Variants in SEMA6B observed in about 807,000 individuals in gnomAD.
The protein encoded by SEMA6B is semaphorin 6B.
In SEMA6B, 47 loss-of-function variants were observed where a neutral mutation model predicts 78.6. The ratio of observed to expected loss-of-function variants is 0.60; its 90% CI spans 0.47 to 0.76. SEMA6B has a LOEUF of 0.76. SEMA6B is among the 30% of genes least tolerant of loss of function. The probability of loss-of-function intolerance (pLI) is 0.00; values close to 1 mark genes in which losing one functional copy is unlikely to be tolerated. For missense variants in SEMA6B, 1,213 were observed against 1,269.9 expected (o/e 0.96, Z 0.68); for synonymous variants, 632 against 592.2 (o/e 1.07, Z -0.98).
Position 4,544,228 on chromosome 19 carries a change from C to A in SEMA6B, c.2040G>T (p.Leu680=). 1 of 1,274,314 alleles carries A rather than the reference C, an allele frequency of 7.8e-7. No homozygotes were observed. 78.9% of individuals were successfully genotyped at this position (1,274,314 alleles called of 1,614,324 possible). A position where few individuals can be genotyped will look rare whatever the true frequency, so the allele number is the denominator to read the frequency against. The change falls in exon 17 of 17, where the codon CTG becomes CTT. Residue 680 remains leucine (L), a synonymous_variant. Coordinates refer to ENST00000586582, the MANE Select transcript of SEMA6B (RefSeq NM_032108.4). This position sits in a 1 kb window ranked among gnomAD's most constrained non-coding sequence, Gnocchi z 5.1. ...GGGAGVPPEA[L]LAPLMQNGWA... ...AGCCGTTCTGCATCAGGGGCGCCAG[C>A]AGGGCCTCCGGGGGAACCCCGGCGC...
Position 4,544,121 on chromosome 19 carries a change from G to T in SEMA6B, c.2147C>A (p.Pro716Gln). Residue 716 changes from proline (P) to glutamine (Q), a missense_variant, in exon 17 of 17, where the codon CCG (proline) becomes CAG (glutamine). Pro to Gln is a moderately conservative substitution (Grantham distance 76, BLOSUM62 -1). Coordinates refer to ENST00000586582, the MANE Select transcript of SEMA6B (RefSeq NM_032108.4). This position sits in a 1 kb window ranked among gnomAD's most constrained non-coding sequence, Gnocchi z 5.1. ...GTGCGGAGTGGGCAGGCGCTTCTGC[G>T]GCAGCGGCGTCTGCTCGGGCGTGGG... is the stretch of plus-strand genomic sequence containing the variant. Reference protein sequence around the residue: ...LLPTPEQTPLPQKRLPTPHPH... With the variant: ...LLPTPEQTPLQQKRLPTPHPH... 3 of 1,273,784 alleles carry T rather than the reference G, an allele frequency of 2.4e-6. No homozygotes were observed. Among genetic ancestry groups the T allele is most frequent in the East Asian group, 3.2e-5 (1 of 30,956 alleles). 78.9% of individuals were successfully genotyped at this position (1,273,784 alleles called of 1,614,324 possible). A position where few individuals can be genotyped will look rare whatever the true frequency, so the allele number is the denominator to read the frequency against.
At chr19:4,557,747 G>C (rs934084236) in intron 3 of SEMA6B, among the ~76,000 whole-genome samples, 1 of 152,134 alleles carries the variant, frequency 6.6e-6, no homozygotes, top group Non-Finnish European at 1.5e-5. Flanking sequence ...GGACAGCCCA[G>C]TCCCCTCCAC....
Position 4,556,065 on chromosome 19 carries a change from C to T in SEMA6B, c.394G>A (p.Val132Met). The T allele has an allele frequency of 1.2e-6, 2 of 1,614,094 alleles. No homozygotes were observed. The highest frequency in any genetic ancestry group is 8.5e-7 in the Non-Finnish European group (1 of 1,180,002). The change falls in exon 6 of 17, where the codon GTG becomes ATG. Residue 132 changes from valine to methionine, a missense_variant. By Grantham distance (21) the Val-to-Met change is conservative. Coordinates refer to ENST00000586582, the MANE Select transcript of SEMA6B (RefSeq NM_032108.4). ...QEGECRNFVK[V>M]LLLRDESTLF... ...GTGGACTCGTCCCGAAGGAGCAGCA[C>T]CTTTACGAAGTTTCGACACTCGCCC...
At position 4,543,100 on chromosome 19, in the gene SEMA6B, C is replaced by T. The variant is rs946154240; in HGVS notation, c.*501G>A. 20 of 629,918 alleles carry T rather than the reference C, an allele frequency of 3.2e-5. No homozygotes were observed. The highest frequency in any genetic ancestry group is 5.2e-5 in the Non-Finnish European group (18 of 348,218). The allele number at this position is 629,918 out of a possible 1,614,324, so 39.0% of individuals were successfully genotyped here. ...TGGCACGCACACACACGCCCACCTC[C>T]CCGGCCCCTTGCACACGAACACGGC... On this transcript the variant is annotated 3_prime_UTR_variant, in exon 17 of 17. Coordinates refer to ENST00000586582, the MANE Select transcript of SEMA6B (RefSeq NM_032108.4).
At chr19:4,545,499 G>A (rs977572284) in intron 16 of SEMA6B, among the ~76,000 whole-genome samples, 3 of 152,034 alleles carry the variant, frequency 2.0e-5, no homozygotes, top group Non-Finnish European at 4.4e-5. Context: ...TGCCACGTCT[G>A]GATTATTTTT....
At chr19:4,545,450 G>A (rs1468541563) in intron 16 of SEMA6B, among the ~76,000 whole-genome samples, 5 of 151,658 alleles carry the variant, frequency 3.3e-5, no homozygotes, top group South Asian at 2.1e-4. Flanking sequence ...CGATCCTCCC[G>A]CCTCAGCCTC....
Position 4,546,430 on chromosome 19 carries a change from G to A in SEMA6B, c.1641C>T (p.Ala547=). ...IGSQDPYCGW[A]PDGSCIFLSP... ...TGAGGAAGATGCAGGAGCCGTCGGGGGCCCACCCGCAGTAGGGGTCCTGAC... is the reference window on the plus strand; with the variant it reads ...TGAGGAAGATGCAGGAGCCGTCGGGAGCCCACCCGCAGTAGGGGTCCTGAC... Residue 547 remains alanine, a synonymous_variant, in exon 15 of 17, where the codon GCC becomes GCT. Transcript: ENST00000586582. 6.3e-7 allele frequency: 1 copy of A among 1,579,116 alleles called. No homozygotes were observed. The highest frequency in any genetic ancestry group is 8.6e-7 in the Non-Finnish European group (1 of 1,161,894).
intron 12 of SEMA6B, among the ~76,000 whole-genome samples, chr19:4,549,908 C>T (rs998227004): frequency 6.6e-6 from 1 of 152,200 alleles, no homozygotes; most frequent in Non-Finnish European, 1.5e-5. Context: ...CCACCGTGCC[C>T]AGCCCCATCT....
At position 4,544,454 on chromosome 19, in the gene SEMA6B, G is replaced by A. The variant is rs1449071366; in HGVS notation, c.1814C>T (p.Ala605Val). Residue 605 changes from alanine (A) to valine (V), a missense_variant, in exon 17 of 17, where the codon GCG becomes GTG. Transcript: ENST00000586582. This position sits in a 1 kb window ranked among gnomAD's most constrained non-coding sequence, Gnocchi z 5.1. ...CACCACGGCTCCCACCACGAAGGCC[G>A]CCACCGACGACGTTACCAGCAGGTT... Reference protein sequence around the residue: ...SVNLLVTSSVAAFVVGAVVSG... With the variant: ...SVNLLVTSSVVAFVVGAVVSG... The A allele has an allele frequency of 1.9e-6, 3 of 1,599,646 alleles. No homozygotes were observed. Among genetic ancestry groups the A allele is most frequent in the Non-Finnish European group, 2.6e-6 (3 of 1,174,072 alleles).
chr19:4,556,212 G>T (rs1977465794), intron 5 of SEMA6B, 123 bp from the exon 6 acceptor site: 2 of 697,102 alleles, frequency 2.9e-6, no homozygotes, highest in Non-Finnish European at 2.6e-6. Flanking sequence ...CAAGGCAGGG[G>T]CTGAACCTAG....
Position 4,544,388 on chromosome 19 carries a change from C to T in SEMA6B, c.1880G>A (p.Arg627Gln), listed in dbSNP as rs758743385. The T allele has an allele frequency of 6.3e-5, 100 of 1,596,914 alleles. No individual in the cohort carries two copies. Among genetic ancestry groups the T allele is most frequent in the Non-Finnish European group, 8.0e-5 (94 of 1,173,532 alleles). Reference sequence around the variant, plus strand: ...GTCCTTGCGCCGGGCCAGCTCCCGCCGCTCACGGAGGCCCACGAACCAGCC... The same window carrying T: ...GTCCTTGCGCCGGGCCAGCTCCCGCTGCTCACGGAGGCCCACGAACCAGCC... ...SVGWFVGLRE[R>Q]RELARRKDKE... Residue 627 changes from arginine to glutamine, a missense_variant, in exon 17 of 17, where the codon CGG (arginine) becomes CAG (glutamine). Transcript: ENST00000586582. The surrounding 1 kb of genome is among the most constrained non-coding windows in gnomAD (Gnocchi z 5.1).
chr19:4,543,010 T>A lies in SEMA6B; in HGVS notation c.*591A>T. On this transcript the variant is annotated 3_prime_UTR_variant, in exon 17 of 17. Coordinates refer to ENST00000586582, the MANE Select transcript of SEMA6B (RefSeq NM_032108.4). ...CAGGCCGCTGGGGCCACCACGATCG[T>A]CGCTCGTGGACACACACCCTGCACG... 2 of 693,142 alleles carry A rather than the reference T, an allele frequency of 2.9e-6. No individual in the cohort carries two copies. The highest frequency in any genetic ancestry group is 5.3e-6 in the Non-Finnish European group (2 of 379,298). The allele number at this position is 693,142 out of a possible 1,614,324, so 42.9% of individuals were successfully genotyped here.
intron 12 of SEMA6B, among the ~76,000 whole-genome samples, chr19:4,548,717 G>C (rs1977239382): frequency 1.3e-5 from 2 of 152,212 alleles, no homozygotes; most frequent in Admixed American, 6.5e-5. Context: ...ACCCAGGCTG[G>C]AGTGCAGTGG....
In SEMA6B at chr19:4,558,583, G is replaced by A; in HGVS notation, c.-32-94C>T. 1 of 663,318 alleles carries A rather than the reference G, an allele frequency of 1.5e-6. No homozygotes were observed. Among genetic ancestry groups the A allele is most frequent in the East Asian group, 3.4e-5 (1 of 29,134 alleles). The allele number at this position is 663,318 out of a possible 1,614,324, so 41.1% of individuals were successfully genotyped here. ...GCAGCAGACGCTCCTTCAAATCCCA[G>A]AAAAATTCCTCACGGGGATAATAAT... On this transcript the variant is annotated intron_variant, in intron 1 of 16. Transcript: ENST00000586582. The surrounding 1 kb of genome is among the most constrained non-coding windows in gnomAD (Gnocchi z 5.1).
At chr19:4,551,499 C>A (rs368394433) in intron 10 of SEMA6B, among the ~76,000 whole-genome samples, 1 of 151,618 alleles carries the variant, frequency 6.6e-6, no homozygotes, top group Admixed American at 6.6e-5. Context: ...GGATTACAGG[C>A]GAAGCCACCG....
At chr19:4,547,248 A>T (rs1380661677) in intron 14 of SEMA6B, among the ~76,000 whole-genome samples, 2 of 152,040 alleles carry the variant, frequency 1.3e-5, no homozygotes, top group South Asian at 2.1e-4. Context: ...GGGATGACAG[A>T]CGTGAGCTAC....
Position 4,543,459 on chromosome 19 carries a change from AG to A in SEMA6B, c.*141del, listed in dbSNP as rs1490668910. 1.7e-5 allele frequency: 2 copies of A among 119,886 alleles called. No individual in the cohort carries two copies. The highest frequency in any genetic ancestry group is 4.7e-4 in the East Asian group (2 of 4,220). The allele number at this position is 119,886 out of a possible 1,614,324, so 7.4% of individuals were successfully genotyped here. On this transcript the variant is annotated 3_prime_UTR_variant, in exon 17 of 17. Coordinates refer to ENST00000586582, the MANE Select transcript of SEMA6B (RefSeq NM_032108.4). ...AGCTGGTTGTGCTTCCTTGTGGCGG[AG>A]GGGGCCCCCCACTCCGCGGGTGGGT...
intron 10 of SEMA6B, among the ~76,000 whole-genome samples, chr19:4,551,345 G>A (rs910127001): frequency 2.5e-4 from 38 of 151,024 alleles, no homozygotes; most frequent in Non-Finnish European, 4.7e-4. Context: ...TCAGTCTCCC[G>A]AGTAGCTGGA....
chr19:4,555,112 G>A lies in SEMA6B; in HGVS notation c.563-17C>T. On this transcript the variant is annotated splice_polypyrimidine_tract_variant and intron_variant, in intron 7 of 16. Transcript: ENST00000586582. This position sits in a 1 kb window ranked among gnomAD's most constrained non-coding sequence, Gnocchi z 6.1. ...GCATCCCGTCTGGATGGGGTGGGTGGGGAAGGCAGGCAAGAGATGAGACCG... is the reference window on the plus strand; with the variant it reads ...GCATCCCGTCTGGATGGGGTGGGTGAGGAAGGCAGGCAAGAGATGAGACCG... 3 of 1,613,062 alleles carry A rather than the reference G, an allele frequency of 1.9e-6. No homozygotes were observed. The highest frequency in any genetic ancestry group is 2.5e-6 in the Non-Finnish European group (3 of 1,179,824).
Sources: allele counts gnomAD v4.1 joint callset (sites outside exome capture counted in the v4.1 genomes callset), GRCh38; gene constraint gnomAD v4.1.1; non-coding constraint Gnocchi (gnomAD v3.1); transcripts MANE v1.5; gene names NCBI Gene and HGNC (gene_info 2026-07-23, HGNC 2026-07-21).